The following KCTD3 variants were observed in gnomAD, a reference collection of about 807,000 sequenced individuals.
KCTD3 encodes the protein potassium channel tetramerization domain containing 3.
In KCTD3, 41 loss-of-function variants were observed where a neutral mutation model predicts 85.8. The ratio of observed to expected loss-of-function variants is 0.48; its 90% confidence interval spans 0.37 to 0.62. The LOEUF (loss-of-function observed/expected upper bound fraction) is 0.62. KCTD3 is among the 20% of genes least tolerant of loss of function. KCTD3 has a pLI of 0.00. For synonymous variants in KCTD3, 338 were observed against 345.4 expected (o/e 0.98, Z 0.24); for missense variants, 724 against 989.9 (o/e 0.73, Z 3.60).
intron 12 of KCTD3, among the ~76,000 whole-genome samples, chr1:215,603,786 A>C (rs1654916731): frequency 6.6e-6 from 1 of 152,154 alleles, no homozygotes; most frequent in Non-Finnish European, 1.5e-5. Context: ...GACAGATAAA[A>C]AGATGATTAT....
chr1:215,616,291 T>TA (rs1655446321), intron 15 of KCTD3, among the ~76,000 whole-genome samples: 1 of 152,110 alleles, frequency 6.6e-6, no homozygotes. Context: ...AGATATTATT[T>TA]AAAAATAAAT....
rs74506048 is a variant in KCTD3 at position 215,615,731 on chromosome 1, G to A, written c.1563-3155G>A. The stretch of plus-strand genomic sequence containing the variant: ...TACCCCTTTAACAAAAGATAGGCTA[G>A]CAAGAGAAAACATTACAAATTGATT... On this transcript the variant is annotated intron_variant, in intron 15 of 17. Transcript: ENST00000259154. 6.2e-3 allele frequency among the ~76,000 whole-genome samples: 938 copies of A among 152,214 alleles called. 23 individuals are homozygous for A. In the South Asian group the frequency reaches 0.074, roughly 12 times the overall value.
intron 8 of KCTD3, chr1:215,580,846 A>AT (rs199687655): frequency 4.0e-3 from 1,195 of 297,620 alleles, no homozygotes; most frequent in South Asian, 7.2e-3. Context: ...TCCCAGATGT[A>AT]TTTTTTTTTT....
intron 3 of KCTD3, 78 bp downstream of exon 3, chr1:215,574,196 A>C: frequency 1.3e-6 from 1 of 770,722 alleles, no homozygotes; most frequent in South Asian, 2.3e-5. Context: ...TTACTCTAAG[A>C]ATATAGGAGA....
intron 4 of KCTD3, among the ~76,000 whole-genome samples, chr1:215,576,209 T>A (rs770838275): frequency 2.0e-5 from 3 of 151,252 alleles, no homozygotes; most frequent in Non-Finnish European, 4.4e-5. Context: ...GCTGGGACTG[T>A]AGGCACATGC....
chr1:215,576,069 T>G, intron 4 of KCTD3, 95 bp downstream of exon 4: 1 of 758,282 alleles, frequency 1.3e-6, no homozygotes. Flanking sequence ...GTTTGTTTTT[T>G]TTTTTCCTTG....
At chr1:215,608,743 A>G (rs910630260) in intron 14 of KCTD3, among the ~76,000 whole-genome samples, 1 of 151,922 alleles carries the variant, frequency 6.6e-6, no homozygotes, top group Non-Finnish European at 1.5e-5. Context: ...TACAGTCTTC[A>G]TAGAGATAGA....
intron 5 of KCTD3, 107 bp downstream of exon 5, chr1:215,577,835 G>A: frequency 7.8e-7 from 1 of 1,288,220 alleles, no homozygotes; most frequent in Non-Finnish European, 1.1e-6. Context: ...GACTTGTTCA[G>A]TGCTTAGTTT....
At chr1:215,591,231 C>T (rs1216990854) in intron 9 of KCTD3, among the ~76,000 whole-genome samples, 1 of 152,026 alleles carries the variant, frequency 6.6e-6, no homozygotes, top group East Asian at 1.9e-4. Flanking sequence ...TCTCCCGTTA[C>T]CTCTTAGTCC....
chr1:215,585,498 C>T (rs1237098795), intron 8 of KCTD3, among the ~76,000 whole-genome samples: 1 of 152,084 alleles, frequency 6.6e-6, no homozygotes, highest in African/African-American at 2.4e-5. Flanking sequence ...CCTAAGTTTG[C>T]TTTTTGCAGC....
intron 1 of KCTD3, among the ~76,000 whole-genome samples, chr1:215,571,654 G>A (rs982994851): frequency 8.1e-5 from 12 of 148,440 alleles, no homozygotes; most frequent in Non-Finnish European, 1.6e-4. Flanking sequence ...TTTCCGAGAC[G>A]GAGTCTCGCT....
At chr1:215,612,036 C>T in intron 15 of KCTD3, 115 bp downstream of exon 15, 1 of 671,870 alleles carries the variant, frequency 1.5e-6, no homozygotes, top group South Asian at 1.9e-5. Context: ...ATTGTTGGGA[C>T]AGAAGTCTGT....
intron 4 of KCTD3, 144 bp downstream of exon 4, chr1:215,576,118 G>A: frequency 1.7e-6 from 1 of 587,088 alleles, no homozygotes; most frequent in South Asian, 2.2e-5. Context: ...TGGAGTGCAG[G>A]AGTGCAGTGG....
intron 10 of KCTD3, among the ~76,000 whole-genome samples, chr1:215,596,584 T>C (rs1430466015): frequency 1.3e-5 from 2 of 152,020 alleles, no homozygotes; most frequent in Admixed American, 6.6e-5. Flanking sequence ...GCAGTAGATA[T>C]CATTTGCAAA....
intron 1 of KCTD3, among the ~76,000 whole-genome samples, chr1:215,572,488 A>G (rs1659404510): frequency 6.6e-6 from 1 of 152,232 alleles, no homozygotes; most frequent in Admixed American, 6.5e-5. Context: ...ACTACTCTGT[A>G]TAAGCCTTGG....
chr1:215,611,778 AAAT>A, intron 14 of KCTD3, 44 bp from the exon 15 acceptor site: 3 of 1,266,340 alleles, frequency 2.4e-6, no homozygotes, highest in South Asian at 2.8e-5. Flanking sequence ...AAATGAGAAA[AAAT>A]AAAATTTTAA....
chr1:215,598,182 G>A (rs1654683026), intron 10 of KCTD3, among the ~76,000 whole-genome samples: 1 of 152,026 alleles, frequency 6.6e-6, no homozygotes, highest in African/African-American at 2.4e-5. Context: ...AGTAGAAATT[G>A]AGCCTCCTAC....
At chr1:215,609,556 T>G (rs1282456810) in intron 14 of KCTD3, among the ~76,000 whole-genome samples, 2 of 151,914 alleles carry the variant, frequency 1.3e-5, no homozygotes, top group Non-Finnish European at 2.9e-5. Context: ...TAATTCATCT[T>G]TCAAGAGCAT....
rs1012159166 is a variant in KCTD3 at position 215,619,078 on chromosome 1, C to A, written c.1747+8C>A. 6.2e-7 allele frequency: 1 copy of A among 1,610,050 alleles called. No individual in the cohort carries two copies. The highest frequency in any genetic ancestry group is 8.5e-7 in the Non-Finnish European group (1 of 1,177,514). On this transcript the variant is annotated splice_region_variant and intron_variant, in intron 16 of 17. Coordinates refer to ENST00000259154, the MANE Select transcript of KCTD3 (RefSeq NM_016121.5). ...ACAAAAGTGAAGATAAGGGTAGGTT[C>A]TCATACAGAAAGATGTTTGTCACAA...
Sources: gnomAD v4.1 joint callset for allele counts (sites outside exome capture counted in the v4.1 genomes callset) on GRCh38, gnomAD v4.1.1 for gene constraint, MANE v1.5 for transcripts, NCBI Gene and HGNC (gene_info 2026-07-23, HGNC 2026-07-21) for gene names.